HIBADH: variants seen among roughly 807,000 people sequenced by gnomAD.
HIBADH encodes 3-hydroxyisobutyrate dehydrogenase, mitochondrial.
Under a neutral mutation model 36.1 loss-of-function variants are expected in HIBADH, and 25 were observed. That is an observed-to-expected ratio of 0.69 (90% CI 0.50 to 0.97). The LOEUF is 0.97. Among genes scored for constraint, HIBADH ranks in the 50% least tolerant of loss-of-function variants. The pLI, the probability that HIBADH is intolerant of heterozygous loss-of-function variation, is 0.00. For synonymous variants in HIBADH, 160 were observed against 149.5 expected (o/e 1.07, Z -0.51); for missense variants, 421 against 418.0 (o/e 1.01, Z -0.06).
chr7:27,527,371 GTTAAGATGTAT>G (rs1335432462), intron 7 of HIBADH, among the ~76,000 whole-genome samples: 3 of 152,184 alleles, frequency 2.0e-5, no homozygotes, highest in Non-Finnish European at 4.4e-5. Flanking sequence ...GACAAGATCA[GTTAAGATGTAT>G]TTGTGGTACA....
chr7:27,617,750 A>G (rs1032558659), intron 4 of HIBADH, among the ~76,000 whole-genome samples: 4 of 152,224 alleles, frequency 2.6e-5, no homozygotes, highest in African/African-American at 9.6e-5. Context: ...ATGAACCACA[A>G]GAGAGCTCCT....
At chr7:27,630,511 C>T (rs926471956) in intron 3 of HIBADH, among the ~76,000 whole-genome samples, 4 of 151,940 alleles carry the variant, frequency 2.6e-5, no homozygotes, top group Non-Finnish European at 5.9e-5. Context: ...AAAATTAAAA[C>T]TGAATAAATA....
chr7:27,553,110 A>G (rs967069425), intron 4 of HIBADH, among the ~76,000 whole-genome samples: 6 of 152,234 alleles, frequency 3.9e-5, no homozygotes, highest in African/African-American at 1.4e-4. Context: ...AATAAACTAT[A>G]GCTGATTAGC....
chr7:27,634,788 A>G (rs1785808407), intron 2 of HIBADH, among the ~76,000 whole-genome samples: 1 of 152,246 alleles, frequency 6.6e-6, no homozygotes, highest in African/African-American at 2.4e-5. Context: ...TCACAGGTCT[A>G]AGGATGTTTC....
intron 4 of HIBADH, among the ~76,000 whole-genome samples, chr7:27,607,731 T>G (rs1018918297): frequency 5.0e-5 from 6 of 119,584 alleles, no homozygotes; most frequent in African/African-American, 2.0e-4. Context: ...GCTTATCTAA[T>G]GAAAGAATGC....
intron 4 of HIBADH, among the ~76,000 whole-genome samples, chr7:27,545,694 A>G (rs112491746): frequency 2.0e-5 from 3 of 152,298 alleles, no homozygotes; most frequent in African/African-American, 7.2e-5. Context: ...ACTGAAAGAA[A>G]TACTTATTTT....
At chr7:27,600,832 G>C (rs1785119289) in intron 4 of HIBADH, among the ~76,000 whole-genome samples, 1 of 152,088 alleles carries the variant, frequency 6.6e-6, no homozygotes, top group Non-Finnish European at 1.5e-5. Flanking sequence ...AAGAAGAAGA[G>C]CCTCTTCTTT....
At chr7:27,634,974 G>A (rs972547904) in intron 2 of HIBADH, among the ~76,000 whole-genome samples, 4 of 152,130 alleles carry the variant, frequency 2.6e-5, no homozygotes, top group Non-Finnish European at 5.9e-5. Flanking sequence ...AAGCTCACAG[G>A]CCCGGAAGAA....
At chr7:27,657,007 G>A (rs953372813) in intron 1 of HIBADH, among the ~76,000 whole-genome samples, 3 of 152,108 alleles carry the variant, frequency 2.0e-5, no homozygotes, top group East Asian at 3.9e-4. Context: ...ACTAATACAT[G>A]GTAATGGCAT....
At chr7:27,566,644 T>C (rs1165113273) in intron 4 of HIBADH, among the ~76,000 whole-genome samples, 1 of 152,174 alleles carries the variant, frequency 6.6e-6, no homozygotes, top group African/African-American at 2.4e-5. Flanking sequence ...CTTAAATTAC[T>C]GATATGAGAC....
At chr7:27,533,067 T>C (rs960247437) in intron 6 of HIBADH, among the ~76,000 whole-genome samples, 4 of 152,210 alleles carry the variant, frequency 2.6e-5, no homozygotes, top group Admixed American at 6.5e-5. Context: ...ATTTGAAATA[T>C]AATTTCAGGG....
chr7:27,577,155 A>G (rs1221108980), intron 4 of HIBADH, among the ~76,000 whole-genome samples: 1 of 138,768 alleles, frequency 7.2e-6, no homozygotes, highest in Non-Finnish European at 1.5e-5. Flanking sequence ...CTTTCCAAGC[A>G]TCATTTCTCT....
At chr7:27,614,182 T>A (rs73285195) in intron 4 of HIBADH, among the ~76,000 whole-genome samples, 1 of 152,210 alleles carries the variant, frequency 6.6e-6, no homozygotes, top group Non-Finnish European at 1.5e-5. Context: ...AAACTTTTAA[T>A]GTAAGAACTT....
intron 4 of HIBADH, among the ~76,000 whole-genome samples, chr7:27,581,222 C>T (rs1044588419): frequency 1.3e-5 from 2 of 152,118 alleles, no homozygotes; most frequent in African/African-American, 4.8e-5. Flanking sequence ...CCATTTACTC[C>T]AACCATGTTC....
At chr7:27,560,836 G>A (rs1784455288) in intron 4 of HIBADH, among the ~76,000 whole-genome samples, 1 of 152,166 alleles carries the variant, frequency 6.6e-6, no homozygotes, top group African/African-American at 2.4e-5. Context: ...AAAATTGCTG[G>A]ATCATATGGT....
chr7:27,617,208 T>C (rs1785447102), intron 4 of HIBADH, among the ~76,000 whole-genome samples: 1 of 152,240 alleles, frequency 6.6e-6, no homozygotes, highest in Non-Finnish European at 1.5e-5. Flanking sequence ...GGTTTAGATA[T>C]GTTTAGAAAC....
At chr7:27,534,283 T>A (rs557462065) in intron 6 of HIBADH, among the ~76,000 whole-genome samples, 1 of 151,956 alleles carries the variant, frequency 6.6e-6, no homozygotes, top group East Asian at 1.9e-4. Context: ...AAGAACGAAA[T>A]AAATTATGTC....
intron 4 of HIBADH, among the ~76,000 whole-genome samples, chr7:27,593,995 C>G (rs1157188276): frequency 6.7e-6 from 1 of 149,744 alleles, no homozygotes; most frequent in African/African-American, 2.5e-5. Flanking sequence ...TGCACTCCAG[C>G]CTGGGCGACA....
chr7:27,569,753 A>G (rs1331916284), intron 4 of HIBADH, among the ~76,000 whole-genome samples: 1 of 152,012 alleles, frequency 6.6e-6, no homozygotes, highest in Admixed American at 6.6e-5. Flanking sequence ...CCAAACAGCA[A>G]GAGAATTAAA....
Sources: gnomAD v4.1 joint callset for allele counts (sites outside exome capture counted in the v4.1 genomes callset) on GRCh38, gnomAD v4.1.1 for gene constraint, MANE v1.5 for transcripts, NCBI Gene and HGNC (gene_info 2026-07-23, HGNC 2026-07-21) for gene names.